The following YTHDF3 variants were observed in gnomAD, a reference collection of about 807,000 sequenced individuals.
YTHDF3 encodes YTH N6-methyladenosine RNA binding protein F3.
In YTHDF3, 9 loss-of-function variants were observed where a neutral mutation model predicts 52.5. The ratio of observed to expected loss-of-function variants is 0.17; its 90% CI spans 0.10 to 0.30. YTHDF3 has a LOEUF of 0.30. Among genes scored for constraint, YTHDF3 ranks in the 10% least tolerant of loss-of-function variants. The pLI is 1.00. For missense variants in YTHDF3, 534 were observed against 715.0 expected, an observed-to-expected ratio of 0.75 and a Z score of 2.89; for synonymous variants, 274 against 243.3, an observed-to-expected ratio of 1.13 and a Z score of -1.18.
intron 2 of YTHDF3, 141 bp from the exon 3 acceptor site, chr8:63,175,190 T>A: frequency 1.7e-6 from 1 of 598,702 alleles, no homozygotes; most frequent in South Asian, 2.3e-5. Flanking sequence ...AAATAGTTTA[T>A]CCTTAAGAGG....
Position 63,186,525 on chromosome 8 carries a change from G to A in YTHDF3, c.514G>A (p.Gly172Arg). ...GAGAGCTATTACTGATGGACAGGCT[G>A]GATTTGGCAATGATACTTTGAGTAA... ...LGRAITDGQA[G>R]FGNDTLSKVP... The change falls in exon 4 of 5, where the codon GGA becomes AGA. Residue 172 changes from glycine to arginine, a missense_variant. Physicochemically the swap from Gly to Arg is moderately radical, Grantham distance 125. Transcript: ENST00000539294. 6.2e-7 allele frequency: 1 copy of A among 1,613,994 alleles called. No individual in the cohort carries two copies. The highest frequency in any genetic ancestry group is 2.2e-5 in the East Asian group (1 of 44,882).
In YTHDF3 at chr8:63,186,714, C is replaced by G. The variant is rs772519482; in HGVS notation, c.703C>G (p.Pro235Ala). Residue 235 changes from proline to alanine, a missense_variant, in exon 4 of 5, where the codon CCA becomes GCA. Transcript: ENST00000539294. Reference sequence around the variant, plus strand: ...CCCAGTTAGCAGTGCAGCACCTAAACCAACCTCCTGGGCTGCCATTGCCAG... The same window carrying G: ...CCCAGTTAGCAGTGCAGCACCTAAAGCAACCTCCTGGGCTGCCATTGCCAG... ...VPPVSSAAPK[P>A]TSWAAIARKP... The G allele has an allele frequency of 5.0e-6, 8 of 1,613,842 alleles. No individual in the cohort carries two copies. In the African/African-American group the frequency reaches 1.1e-4, roughly 22 times the overall value.
rs545707272 is a variant in YTHDF3 at position 63,173,202 on chromosome 8, T to TTATATA, written c.50-2122_50-2117dup. ...AAAAATAAGAATAACAGGATTATAT[T>TTATATA]TATATATATATACAGATAAATTTTA... On this transcript the variant is annotated intron_variant, in intron 2 of 4. Coordinates refer to ENST00000539294, the MANE Select transcript of YTHDF3 (RefSeq NM_152758.6). Among the ~76,000 whole-genome samples the TTATATA allele has an allele frequency of 2.4e-3, 300 of 125,916 alleles. 11 individuals carry two copies. Among genetic ancestry groups the TTATATA allele is most frequent in the Admixed American group, 0.019 (245 of 12,846 alleles). The allele number at this position is 125,916 out of a possible 152,430, so 82.6% of individuals were successfully genotyped here. A position where few individuals can be genotyped will look rare whatever the true frequency, so the allele number is the denominator to read the frequency against.
At position 63,187,611 on chromosome 8, in the gene YTHDF3, G is replaced by A; in HGVS notation, c.1600G>A (p.Asp534Asn). ...NDNKPVTNSR[D>N]TQEVPLEKAK... ...CAACAAACCGGTTACCAATTCAAGG[G>A]ACACTCAAGAGGTACCCCTAGAAAA... Residue 534 changes from aspartate to asparagine, a missense_variant, in exon 4 of 5, where the codon GAC (aspartate) becomes AAC (asparagine). Physicochemically the swap from Asp to Asn is conservative, Grantham distance 23. Coordinates refer to ENST00000539294, the MANE Select transcript of YTHDF3 (RefSeq NM_152758.6). 6.2e-7 allele frequency: 1 copy of A among 1,612,760 alleles called. No homozygotes were observed. Among genetic ancestry groups the A allele is most frequent in the Non-Finnish European group, 8.5e-7 (1 of 1,179,246 alleles).
chr8:63,201,761 T>C (rs1809657956), intron 4 of YTHDF3, among the ~76,000 whole-genome samples: 1 of 152,256 alleles, frequency 6.6e-6, no homozygotes, highest in Non-Finnish European at 1.5e-5. Flanking sequence ...ATTAGAGAAC[T>C]AGGCTATAAA....
chr8:63,177,904 C>T (rs1461562395), intron 3 of YTHDF3, among the ~76,000 whole-genome samples: 1 of 151,972 alleles, frequency 6.6e-6, no homozygotes, highest in Admixed American at 6.6e-5. Flanking sequence ...ATTACAGACA[C>T]ATGCTACCAC....
intron 4 of YTHDF3, among the ~76,000 whole-genome samples, chr8:63,197,179 GCT>G (rs1400462917): frequency 2.6e-5 from 4 of 152,220 alleles, no homozygotes; most frequent in African/African-American, 9.6e-5. Context: ...AGCAGGCTTT[GCT>G]CTCTGCTGAA....
chr8:63,170,662 G>A (rs2129951779), intron 2 of YTHDF3, among the ~76,000 whole-genome samples: 1 of 152,168 alleles, frequency 6.6e-6, no homozygotes, highest in Admixed American at 6.5e-5. Context: ...TCTTTTGCTA[G>A]TCTACCCATT....
At chr8:63,194,227 C>T (rs958622324) in intron 4 of YTHDF3, among the ~76,000 whole-genome samples, 3 of 151,722 alleles carry the variant, frequency 2.0e-5, no homozygotes, top group Non-Finnish European at 1.5e-5. Context: ...CTCACGCCTG[C>T]AATCCCAGCA....
chr8:63,202,975 C>T (rs1809739768), intron 4 of YTHDF3, among the ~76,000 whole-genome samples: 1 of 152,092 alleles, frequency 6.6e-6, no homozygotes, highest in South Asian at 2.1e-4. Flanking sequence ...GGCACGGTGG[C>T]TCGTGCCTGT....
At chr8:63,179,049 A>G (rs1807892812) in intron 3 of YTHDF3, among the ~76,000 whole-genome samples, 1 of 152,206 alleles carries the variant, frequency 6.6e-6, no homozygotes, top group African/African-American at 2.4e-5. Context: ...TTTGCTAATG[A>G]TTTAAATTGC....
At chr8:63,173,791 A>C (rs992257073) in intron 2 of YTHDF3, 1 of 462,990 alleles carries the variant, frequency 2.2e-6, no homozygotes, top group African/African-American at 2.1e-5. Context: ...TACATATTTA[A>C]ATTCCATGGA....
At chr8:63,174,543 G>A (rs2217827) in intron 2 of YTHDF3, among the ~76,000 whole-genome samples, 46,538 of 152,008 alleles carry the variant, frequency 0.31, 9,096 homozygotes, top group East Asian at 0.76. Context: ...ATTCAAATTC[G>A]GGACCTTACT....
chr8:63,208,238 T>A (rs769763729), intron 4 of YTHDF3, among the ~76,000 whole-genome samples: 1 of 152,174 alleles, frequency 6.6e-6, no homozygotes, highest in Non-Finnish European at 1.5e-5. Flanking sequence ...CTCTTCAAGT[T>A]CCAGGAATGT....
At chr8:63,171,928 CTT>C (rs1807355233) in intron 2 of YTHDF3, among the ~76,000 whole-genome samples, 2 of 152,116 alleles carry the variant, frequency 1.3e-5, no homozygotes, top group African/African-American at 4.8e-5. Context: ...GTTTTAGTGT[CTT>C]TGATTTTCTA....
chr8:63,206,193 C>T (rs1373758797), intron 4 of YTHDF3, among the ~76,000 whole-genome samples: 2 of 152,102 alleles, frequency 1.3e-5, no homozygotes. Flanking sequence ...CCTGCCTCAT[C>T]CTCCTGAGTA....
Position 63,173,202 on chromosome 8 carries a change from T to TTTTATATATATATATATATATATATATA in YTHDF3, c.50-2128_50-2127insTTATATATATATATATATATATATATAT, listed in dbSNP as rs1554533374. 1.8e-3 allele frequency among the ~76,000 whole-genome samples: 232 copies of TTTTATATATATATATATATATATATATA among 125,872 alleles called. 5 individuals are homozygous for TTTTATATATATATATATATATATATATA. The highest frequency in any genetic ancestry group is 8.9e-3 in the African/African-American group (221 of 24,766). The allele number at this position is 125,872 out of a possible 152,430, so 82.6% of individuals were successfully genotyped here. ...AAAAATAAGAATAACAGGATTATAT[T>TTTTATATATATATATATATATATATATA]TATATATATATACAGATAAATTTTA... On this transcript the variant is annotated intron_variant, in intron 2 of 4. Transcript: ENST00000539294.
chr8:63,168,629 G>A lies in YTHDF3; in HGVS notation c.-249G>A. The stretch of plus-strand genomic sequence containing the variant: ...AGGCTCGGAGCGGAAGTGAGACTAG[G>A]GAGTCTGTCCGCCATTGTGGACCCG... On this transcript the variant is annotated 5_prime_UTR_variant, in exon 1 of 5. Transcript: ENST00000539294. The A allele has an allele frequency of 1.5e-6, 1 of 657,098 alleles. No homozygotes were observed. Among genetic ancestry groups the A allele is most frequent in the Non-Finnish European group, 2.6e-6 (1 of 387,468 alleles). 40.7% of individuals were successfully genotyped at this position (657,098 alleles called of 1,614,324 possible).
chr8:63,169,455 A>G, intron 2 of YTHDF3, 44 bp downstream of exon 2: 1 of 1,555,284 alleles, frequency 6.4e-7, no homozygotes, highest in East Asian at 2.3e-5. Context: ...ATGTTGCCTT[A>G]ATGTTACTTT....
Sources: gnomAD v4.1 joint callset for allele counts (sites outside exome capture counted in the v4.1 genomes callset) on GRCh38, gnomAD v4.1.1 for gene constraint, MANE v1.5 for transcripts, NCBI Gene and HGNC (gene_info 2026-07-23, HGNC 2026-07-21) for gene names.